The following NAALADL2 variants were observed in gnomAD, a reference collection of about 807,000 sequenced individuals.
The protein encoded by NAALADL2 is N-acetylated alpha-linked acidic dipeptidase like 2.
A neutral mutation model predicts 87.2 loss-of-function variants in NAALADL2; 76 were observed. That is an observed-to-expected ratio of 0.87 (90% CI 0.72 to 1.05). The LOEUF (loss-of-function observed/expected upper bound fraction) is 1.05, where lower values mean the gene tolerates loss of function less well. NAALADL2 is among the 50% of genes least tolerant of loss of function. The probability of loss-of-function intolerance (pLI) is 0.00; values close to 1 mark genes in which losing one functional copy is unlikely to be tolerated. For missense variants in NAALADL2, 1,089 were observed against 945.8 expected, an observed-to-expected ratio of 1.15 and a Z score of -1.99; for synonymous variants, 354 against 331.0, an observed-to-expected ratio of 1.07 and a Z score of -0.75.
chr3:175,174,184 C>T (rs896360709), intron 2 of NAALADL2, among the ~76,000 whole-genome samples: 2 of 152,084 alleles, frequency 1.3e-5, no homozygotes, highest in Non-Finnish European at 2.9e-5. Context: ...AATTATTGAA[C>T]AATCCATATA....
intron 1 of NAALADL2, among the ~76,000 whole-genome samples, chr3:174,965,063 G>C (rs865847964): frequency 1.3e-5 from 2 of 152,088 alleles, no homozygotes; most frequent in Middle Eastern, 3.4e-3. Flanking sequence ...AATTTAGTTG[G>C]CTGGTTCTAG....
At chr3:175,525,992 A>G (rs1344178359) in intron 9 of NAALADL2, among the ~76,000 whole-genome samples, 1 of 152,214 alleles carries the variant, frequency 6.6e-6, no homozygotes, top group African/African-American at 2.4e-5. Context: ...GTAGATTTTA[A>G]TATTTATCAG....
intron 4 of NAALADL2, among the ~76,000 whole-genome samples, chr3:175,276,041 A>G (rs1298362711): frequency 2.0e-5 from 3 of 151,486 alleles, no homozygotes; most frequent in Non-Finnish European, 4.4e-5. Flanking sequence ...AGCCACATGA[A>G]AAAATGGCCT....
chr3:174,815,501 T>G (rs543188803), intron 3 of NAALADL2, among the ~76,000 whole-genome samples: 1 of 152,290 alleles, frequency 6.6e-6, no homozygotes, highest in African/African-American at 2.4e-5. Flanking sequence ...CTTAGCTCAC[T>G]CACTGAAGCC....
chr3:174,810,459 G>A (rs1040192557), intron 3 of NAALADL2, among the ~76,000 whole-genome samples: 4 of 152,098 alleles, frequency 2.6e-5, no homozygotes, highest in Non-Finnish European at 4.4e-5. Flanking sequence ...AGCTTGGTTG[G>A]ATAGTGCCTC....
chr3:175,304,250 C>G (rs148435703), intron 4 of NAALADL2, among the ~76,000 whole-genome samples: 1 of 152,240 alleles, frequency 6.6e-6, no homozygotes, highest in East Asian at 1.9e-4. Context: ...GAGTCATAAG[C>G]TTTTGGATAT....
intron 6 of NAALADL2, 28 bp downstream of exon 6, chr3:175,447,400 T>G: frequency 6.8e-7 from 1 of 1,467,116 alleles, no homozygotes; most frequent in Non-Finnish European, 9.1e-7. Flanking sequence ...GTTCTCTGTA[T>G]TTTACAGTTT....
chr3:175,388,044 A>G (rs1014541273), intron 5 of NAALADL2, among the ~76,000 whole-genome samples: 1 of 152,078 alleles, frequency 6.6e-6, no homozygotes, highest in South Asian at 2.1e-4. Flanking sequence ...ATCAATGTGC[A>G]TGTACATTTT....
intron 13 of NAALADL2, among the ~76,000 whole-genome samples, chr3:175,774,373 T>G (rs574652498): frequency 6.6e-6 from 1 of 152,100 alleles, no homozygotes; most frequent in South Asian, 2.1e-4. Context: ...ACATTGTTAT[T>G]TCAGACTTCC....
intron 11 of NAALADL2, among the ~76,000 whole-genome samples, chr3:175,645,028 G>A (rs1006616843): frequency 6.6e-5 from 10 of 151,702 alleles, no homozygotes; most frequent in Admixed American, 2.0e-4. Context: ...TAAACAATTC[G>A]TTTTATAGAT....
chr3:174,885,870 C>A (rs921204116), intron 1 of NAALADL2, among the ~76,000 whole-genome samples: 1 of 103,306 alleles, frequency 9.7e-6, no homozygotes, highest in African/African-American at 3.6e-5. Context: ...AGAGCCAGTC[C>A]GAGTTGTTTT....
intron 1 of NAALADL2, among the ~76,000 whole-genome samples, chr3:174,465,330 C>T (rs1321213572): frequency 5.3e-5 from 8 of 152,120 alleles, no homozygotes; most frequent in South Asian, 4.2e-4. Context: ...TCTCCCAAGC[C>T]GGGACTGTTT....
intron 1 of NAALADL2, among the ~76,000 whole-genome samples, chr3:174,903,870 A>C (rs2108268450): frequency 6.6e-6 from 1 of 151,806 alleles, no homozygotes; most frequent in African/African-American, 2.4e-5. Flanking sequence ...CTATAAATGT[A>C]CTTTTTTATA....
chr3:174,570,557 G>A (rs1242842827), intron 2 of NAALADL2, among the ~76,000 whole-genome samples: 4 of 152,086 alleles, frequency 2.6e-5, no homozygotes, highest in Admixed American at 6.6e-5. Flanking sequence ...TCTAAGGCGC[G>A]CTAGGGGATT....
chr3:174,511,360 T>C (rs1719590812), intron 1 of NAALADL2, among the ~76,000 whole-genome samples: 4 of 152,180 alleles, frequency 2.6e-5, no homozygotes, highest in Middle Eastern at 3.4e-3. Context: ...GCATGAACTT[T>C]TAGGACTATT....
At chr3:174,761,690 T>C (rs1386045055) in intron 3 of NAALADL2, among the ~76,000 whole-genome samples, 1 of 152,098 alleles carries the variant, frequency 6.6e-6, no homozygotes, top group African/African-American at 2.4e-5. Flanking sequence ...TATGTATACA[T>C]GTGCCATGTT....
At chr3:175,675,099 G>T (rs146027748) in intron 11 of NAALADL2, 16 of 152,084 alleles carry the variant, frequency 1.1e-4, no homozygotes, top group South Asian at 6.2e-4. Context: ...ATATTTTATC[G>T]GCAGAAGATA....
chr3:174,590,190 T>C (rs1344690654), intron 2 of NAALADL2, among the ~76,000 whole-genome samples: 3 of 152,070 alleles, frequency 2.0e-5, no homozygotes, highest in East Asian at 1.9e-4. Context: ...TACAGTTATA[T>C]GCAAAGTTTT....
chr3:175,220,107 T>C (rs1285329237), intron 2 of NAALADL2, among the ~76,000 whole-genome samples: 1 of 151,450 alleles, frequency 6.6e-6, no homozygotes. Flanking sequence ...CACTTGTCTT[T>C]TTATATAAAT....
Sources: gnomAD v4.1 joint callset for allele counts (sites outside exome capture counted in the v4.1 genomes callset) on GRCh38, gnomAD v4.1.1 for gene constraint, MANE v1.5 for transcripts, NCBI Gene and HGNC (gene_info 2026-07-23, HGNC 2026-07-21) for gene names.